TTBK2: variants seen among roughly 807,000 people sequenced by gnomAD.
TTBK2 encodes the protein tau tubulin kinase 2.
Under a neutral mutation model 110.8 loss-of-function variants are expected in TTBK2, and 28 were observed. That is an observed-to-expected ratio of 0.25 (90% CI 0.19 to 0.35). The LOEUF is 0.35. TTBK2 is among the 10% of genes least tolerant of loss of function. The pLI, the probability that TTBK2 is intolerant of heterozygous loss-of-function variation, is 1.00. For missense variants in TTBK2, 1,369 were observed against 1,500.3 expected (o/e 0.91, Z 1.45); for synonymous variants, 532 against 527.3 (o/e 1.01, Z -0.12).
intron 1 of TTBK2, among the ~76,000 whole-genome samples, chr15:42,884,122 CA>C (rs1432389089): frequency 2.6e-5 from 4 of 151,862 alleles, no homozygotes; most frequent in Non-Finnish European, 5.9e-5. Context: ...AAATAAAAAT[CA>C]ATGAACTGAA....
intron 9 of TTBK2, among the ~76,000 whole-genome samples, chr15:42,795,161 A>C (rs1295119527): frequency 6.6e-6 from 1 of 152,226 alleles, no homozygotes; most frequent in Non-Finnish European, 1.5e-5. Flanking sequence ...AAACAAAACA[A>C]GGACTTTTTA....
At chr15:42,756,441 C>G (rs962995678) in intron 13 of TTBK2, among the ~76,000 whole-genome samples, 5 of 151,788 alleles carry the variant, frequency 3.3e-5, no homozygotes, top group African/African-American at 1.2e-4. Flanking sequence ...CAAAAATTAG[C>G]TGGGGGTGAT....
At chr15:42,841,711 C>T (rs745363786) in intron 3 of TTBK2, among the ~76,000 whole-genome samples, 1 of 151,600 alleles carries the variant, frequency 6.6e-6, no homozygotes, top group Non-Finnish European at 1.5e-5. Flanking sequence ...ACAATATCCA[C>T]GAGAAAGAAT....
At chr15:42,837,357 CAAA>C (rs962772134) in intron 4 of TTBK2, among the ~76,000 whole-genome samples, 3 of 56,320 alleles carry the variant, frequency 5.3e-5, no homozygotes, top group Non-Finnish European at 6.9e-5. Flanking sequence ...GACTCCATCT[CAAA>C]AAAAAAAAAA....
chr15:42,863,459 C>T (rs1461648604), intron 3 of TTBK2, among the ~76,000 whole-genome samples: 1 of 152,170 alleles, frequency 6.6e-6, no homozygotes, highest in African/African-American at 2.4e-5. Flanking sequence ...ATTCCATGCT[C>T]ATGGACTGGA....
intron 4 of TTBK2, among the ~76,000 whole-genome samples, chr15:42,839,062 T>G (rs1457024202): frequency 6.6e-6 from 1 of 152,128 alleles, no homozygotes; most frequent in Non-Finnish European, 1.5e-5. Context: ...GAGCACAGTA[T>G]CCAACAGGTA....
At chr15:42,917,276 T>C (rs537222368) in intron 1 of TTBK2, among the ~76,000 whole-genome samples, 3 of 151,748 alleles carry the variant, frequency 2.0e-5, no homozygotes, top group African/African-American at 7.2e-5. Context: ...TCACAAAAGT[T>C]TGTAAGTACT....
At chr15:42,805,461 A>C (rs975634171) in intron 9 of TTBK2, among the ~76,000 whole-genome samples, 2 of 152,188 alleles carry the variant, frequency 1.3e-5, no homozygotes, top group African/African-American at 2.4e-5. Flanking sequence ...AGTGTTATGA[A>C]ACAGAGGCAC....
At chr15:42,782,733 T>C (rs1890231559) in intron 11 of TTBK2, among the ~76,000 whole-genome samples, 1 of 152,210 alleles carries the variant, frequency 6.6e-6, no homozygotes, top group Non-Finnish European at 1.5e-5. Context: ...GTCAAAACTA[T>C]CTACCATTCA....
At chr15:42,856,679 C>T (rs1440136833) in intron 3 of TTBK2, among the ~76,000 whole-genome samples, 1 of 152,008 alleles carries the variant, frequency 6.6e-6, no homozygotes, top group African/African-American at 2.4e-5. Flanking sequence ...AAGTTCTCAA[C>T]ATAGTGAGAC....
rs1311759779 is a variant in TTBK2 at position 42,878,554 on chromosome 15, T to C, written c.64A>G (p.Lys22Glu). Reference protein sequence around the residue: ...SVGILVKERWKVLRKIGGGGF... With the variant: ...SVGILVKERWEVLRKIGGGGF... ...TCTCTGAGATGTACACTCACCACTT[T>C]CCATCTTTCTTTCACTAGGATTCCA... The change falls in exon 2 of 15, where the codon AAA (lysine) becomes GAA (glutamate). Residue 22 changes from lysine (K) to glutamate (E), a missense_variant. This residue lies in a region of TTBK2 where 122 missense variants were observed against 159.7 expected (regional missense o/e 0.76). Coordinates refer to ENST00000267890, the MANE Select transcript of TTBK2 (RefSeq NM_173500.4). 1.6e-5 allele frequency: 25 copies of C among 1,612,422 alleles called. No homozygotes were observed. Among genetic ancestry groups the C allele is most frequent in the Non-Finnish European group, 2.1e-5 (25 of 1,179,718 alleles).
At chr15:42,775,085 T>G (rs116584140) in intron 13 of TTBK2, 50 bp downstream of exon 13, 1 of 1,581,900 alleles carries the variant, frequency 6.3e-7, no homozygotes, top group Non-Finnish European at 8.6e-7. Context: ...CCTTTCTTAA[T>G]AGCACCTTGA....
At chr15:42,825,965 ATGT>A (rs1290809671) in intron 6 of TTBK2, among the ~76,000 whole-genome samples, 1 of 152,070 alleles carries the variant, frequency 6.6e-6, no homozygotes, top group Non-Finnish European at 1.5e-5. Flanking sequence ...GAGGCCAGTG[ATGT>A]TTTGTTATTC....
chr15:42,754,742 C>G (rs1433319483), intron 13 of TTBK2, among the ~76,000 whole-genome samples: 1 of 142,522 alleles, frequency 7.0e-6, no homozygotes, highest in African/African-American at 2.5e-5. Flanking sequence ...GGTGCGGTGG[C>G]TCACGCCTGT....
At chr15:42,811,559 T>C (rs567157290) in intron 8 of TTBK2, 129 bp downstream of exon 8, 7 of 707,430 alleles carry the variant, frequency 9.9e-6, no homozygotes, top group South Asian at 3.2e-5. Context: ...AAAATACATA[T>C]ATTGGGACAT....
At chr15:42,843,789 T>TA (rs1220374998) in intron 3 of TTBK2, among the ~76,000 whole-genome samples, 1 of 148,912 alleles carries the variant, frequency 6.7e-6, no homozygotes, top group African/African-American at 2.5e-5. Flanking sequence ...AAAAGATTTG[T>TA]AACTTCTCAA....
At chr15:42,815,954 A>ATATATATATATATATATATATTT (rs1393860735) in intron 7 of TTBK2, among the ~76,000 whole-genome samples, 1 of 53,376 alleles carries the variant, frequency 1.9e-5, no homozygotes, top group Non-Finnish European at 3.2e-5. Context: ...ATATTTAAAA[A>ATATATATATATATATATATATTT]AAAAATATAT....
chr15:42,815,858 C>CTA (rs1163537860), intron 7 of TTBK2, among the ~76,000 whole-genome samples: 7 of 115,520 alleles, frequency 6.1e-5, no homozygotes, highest in Admixed American at 9.8e-5. Context: ...TTCTCTCTCT[C>CTA]TATATATATA....
intron 6 of TTBK2, among the ~76,000 whole-genome samples, chr15:42,825,555 G>A (rs1483596008): frequency 2.0e-5 from 3 of 151,768 alleles, no homozygotes; most frequent in African/African-American, 7.3e-5. Context: ...TACTAAAAAC[G>A]CAAAAAGAAA....
Sources: allele counts gnomAD v4.1 joint callset (sites outside exome capture counted in the v4.1 genomes callset), GRCh38; gene constraint gnomAD v4.1.1; regional missense constraint gnomAD v4.1.1; transcripts MANE v1.5; gene names NCBI Gene and HGNC (gene_info 2026-07-23, HGNC 2026-07-21).